Variants in ASTL observed in about 807,000 individuals in gnomAD.
The protein encoded by ASTL is astacin like metalloendopeptidase.
A neutral mutation model predicts 36.7 loss-of-function variants in ASTL; 27 were observed. That is an observed-to-expected ratio of 0.73 (90% CI 0.54 to 1.01). The LOEUF is 1.01. Ranked by LOEUF, ASTL falls within the 50% of genes least tolerant of loss-of-function variation. ASTL has a pLI of 0.00. For synonymous variants in ASTL, 222 were observed against 228.1 expected (o/e 0.97, Z 0.24); for missense variants, 524 against 572.8 (o/e 0.91, Z 0.87).
Position 96,129,953 on chromosome 2 carries a change from GC to G in ASTL, c.744del (p.Thr250ProfsTer18). On this transcript the variant is annotated frameshift_variant, in exon 8 of 9. Transcript: ENST00000342380. LOFTEE classifies it high-confidence loss of function. ...GGGGCCCAAAGTGGTGTGATGGTGG[GC>G]AGCCCACGCCGGCTGAAGGCGAGCC... ...YGRLAFSRRG[L>X]PTITPLWAPS... The G allele has an allele frequency of 6.2e-7, 1 of 1,604,370 alleles. No homozygotes were observed. Among genetic ancestry groups the G allele is most frequent in the Non-Finnish European group, 8.5e-7 (1 of 1,172,514 alleles).
intron 1 of ASTL, among the ~76,000 whole-genome samples, 164 bp downstream of exon 1, chr2:96,138,218 T>G (rs1047813961): frequency 6.6e-6 from 1 of 152,170 alleles, no homozygotes; most frequent in Non-Finnish European, 1.5e-5. Flanking sequence ...AGGCCTCCCC[T>G]TGGCCCCCCA....
intron 6 of ASTL, among the ~76,000 whole-genome samples, chr2:96,130,537 T>C (rs1682154194): frequency 6.6e-6 from 1 of 152,190 alleles, no homozygotes; most frequent in Non-Finnish European, 1.5e-5. Flanking sequence ...GACCCAGCTT[T>C]AAAAAGCTGC....
Position 96,122,923 on chromosome 2 carries a change from T to C in ASTL, c.*927A>G, listed in dbSNP as rs1466998985. Among the ~76,000 whole-genome samples, 1 of 152,196 alleles carries C rather than the reference T, an allele frequency of 6.6e-6. No individual in the cohort carries two copies. The highest frequency in any genetic ancestry group is 6.5e-5 in the Admixed American group (1 of 15,284). ...ACCCTCTGAAAGGCCACCAAAACAGTACCCTTGGGGACTGAGGGGCCTCTG... is the reference window on the plus strand; with the variant it reads ...ACCCTCTGAAAGGCCACCAAAACAGCACCCTTGGGGACTGAGGGGCCTCTG... On this transcript the variant is annotated 3_prime_UTR_variant, in exon 9 of 9. Coordinates refer to ENST00000342380, the MANE Select transcript of ASTL (RefSeq NM_001002036.4).
At chr2:96,135,310 T>C (rs372369362) in intron 3 of ASTL, 41 bp downstream of exon 3, 1 of 1,592,098 alleles carries the variant, frequency 6.3e-7, no homozygotes, top group Non-Finnish European at 8.6e-7. Context: ...TCGCCAACTG[T>C]GGGCTTATCC....
rs1003452359 is a variant in ASTL at position 96,132,942 on chromosome 2, G to A, written c.456-221C>T. Among the ~76,000 whole-genome samples, 1 of 152,204 alleles carries A rather than the reference G, an allele frequency of 6.6e-6. No homozygotes were observed. The highest frequency in any genetic ancestry group is 1.5e-5 in the Non-Finnish European group (1 of 68,044). On this transcript the variant is annotated intron_variant, in intron 5 of 8. Coordinates refer to ENST00000342380, the MANE Select transcript of ASTL (RefSeq NM_001002036.4). This position sits in a 1 kb window ranked among gnomAD's most constrained non-coding sequence, Gnocchi z 5.4. ...ACCCCCATCACCAGCCTGGGCTGCA[G>A]GGAGGCTGCAGAAACTGATATATGA... is the stretch of plus-strand genomic sequence containing the variant.
At chr2:96,133,610 G>A in intron 4 of ASTL, 68 bp from the exon 5 acceptor site, 2 of 1,169,988 alleles carry the variant, frequency 1.7e-6, no homozygotes, top group Non-Finnish European at 2.6e-6. Flanking sequence ...GAGGGTCTGG[G>A]AGCAGAGCTC....
chr2:96,124,203 C>T lies in ASTL; in HGVS notation c.943G>A (p.Ala315Thr). 1 of 1,524,218 alleles carries T rather than the reference C, an allele frequency of 6.6e-7. No homozygotes were observed. Among genetic ancestry groups the T allele is most frequent in the Non-Finnish European group, 8.8e-7 (1 of 1,138,122 alleles). 94.4% of individuals were successfully genotyped at this position (1,524,218 alleles called of 1,614,324 possible). A position where few individuals can be genotyped will look rare whatever the true frequency, so the allele number is the denominator to read the frequency against. ...GGGCTCCTGGATTCCGCCGACAGTG[C>T]CTCCAAAAGCCGCTGCAGAGATAGG... ...ASLSLQRLLEALSAESRSPDP... is the reference protein window; with the variant it reads ...ASLSLQRLLETLSAESRSPDP... The change falls in exon 9 of 9, where the codon GCA (alanine) becomes ACA (threonine). Residue 315 changes from alanine (A) to threonine (T), a missense_variant. Coordinates refer to ENST00000342380, the MANE Select transcript of ASTL (RefSeq NM_001002036.4). The surrounding 1 kb of genome is among the most constrained non-coding windows in gnomAD (Gnocchi z 4.1).
chr2:96,129,452 C>A (rs749466104), intron 8 of ASTL, among the ~76,000 whole-genome samples: 7 of 152,162 alleles, frequency 4.6e-5, no homozygotes, highest in African/African-American at 9.7e-5. Context: ...AATCCTCGGA[C>A]CTTTAGTTTC....
At position 96,135,361 on chromosome 2, in the gene ASTL, A is replaced by G. The variant is rs1682273384; in HGVS notation, c.233T>C (p.Ile78Thr). ...PESSFLIEGD[I>T]IRPSPFRLLS... is the part of the protein sequence containing the mutation. ...AGTGTGTGCACTCACCGGCCGGATG[A>G]TGTCCCCCTCGATGAGGAAGCTGCT... is the stretch of plus-strand genomic sequence containing the variant. The change falls in exon 3 of 9, where the codon ATC becomes ACC. Residue 78 changes from isoleucine to threonine, a missense_variant. Physicochemically the swap from Ile to Thr is moderately conservative, Grantham distance 89. Coordinates refer to ENST00000342380, the MANE Select transcript of ASTL (RefSeq NM_001002036.4). 1 of 1,614,026 alleles carries G rather than the reference A, an allele frequency of 6.2e-7. No homozygotes were observed. Among genetic ancestry groups the G allele is most frequent in the South Asian group, 1.1e-5 (1 of 91,086 alleles).
chr2:96,128,194 T>G (rs1682100733), intron 8 of ASTL, among the ~76,000 whole-genome samples: 1 of 150,188 alleles, frequency 6.7e-6, no homozygotes. Context: ...ATCGTGCCAT[T>G]GCACTCCAGC....
rs1483300349 is a variant in ASTL at position 96,124,341 on chromosome 2, C to T, written c.875-70G>A. 11 of 1,383,866 alleles carry T rather than the reference C, an allele frequency of 7.9e-6. No individual in the cohort carries two copies. In the East Asian group the frequency reaches 2.9e-4, roughly 36 times the overall value. The allele number at this position is 1,383,866 out of a possible 1,614,324, so 85.7% of individuals were successfully genotyped here. A position where few individuals can be genotyped will look rare whatever the true frequency, so the allele number is the denominator to read the frequency against. On this transcript the variant is annotated intron_variant, in intron 8 of 8. Coordinates refer to ENST00000342380, the MANE Select transcript of ASTL (RefSeq NM_001002036.4). The surrounding 1 kb of genome is among the most constrained non-coding windows in gnomAD (Gnocchi z 4.1). Reference sequence around the variant, plus strand: ...GACATGTGGCCCAGCTGTGCGGACCCAGAGCTGGCTCAGCTCACAGGAGTG... The same window carrying T: ...GACATGTGGCCCAGCTGTGCGGACCTAGAGCTGGCTCAGCTCACAGGAGTG...
At position 96,132,058 on chromosome 2, in the gene ASTL, C is replaced by A. The variant is rs1438662653; in HGVS notation, c.637+482G>T. Among the ~76,000 whole-genome samples, 1 of 152,224 alleles carries A rather than the reference C, an allele frequency of 6.6e-6. No homozygotes were observed. Among genetic ancestry groups the A allele is most frequent in the East Asian group, 1.9e-4 (1 of 5,192 alleles). On this transcript the variant is annotated intron_variant, in intron 6 of 8. Transcript: ENST00000342380. The surrounding 1 kb of genome is among the most constrained non-coding windows in gnomAD (Gnocchi z 5.4). Reference sequence around the variant, plus strand: ...CTCACTGGCACCACTGGCACATGTCCCAGCCCCACAGTGCTGCCCTCAGCC... The same window carrying A: ...CTCACTGGCACCACTGGCACATGTCACAGCCCCACAGTGCTGCCCTCAGCC...
At position 96,132,552 on chromosome 2, in the gene ASTL, C is replaced by G. The variant is rs748161965; in HGVS notation, c.625G>C (p.Glu209Gln). Residue 209 changes from glutamate (E) to glutamine (Q), a missense_variant, in exon 6 of 9, where the codon GAG becomes CAG. Transcript: ENST00000342380. The surrounding 1 kb of genome is among the most constrained non-coding windows in gnomAD (Gnocchi z 5.4). ...TGGCCTGGCTCACCTGGCAGGATCTCGTTCCAGTTGACACGGATATAGCGG... is the reference window on the plus strand; with the variant it reads ...TGGCCTGGCTCACCTGGCAGGATCTGGTTCCAGTTGACACGGATATAGCGG... ...RDRYIRVNWNEILPGFEINFI... is the reference protein window; with the variant it reads ...RDRYIRVNWNQILPGFEINFI... 1.0e-5 allele frequency: 16 copies of G among 1,598,510 alleles called. No individual in the cohort carries two copies. Among genetic ancestry groups the G allele is most frequent in the Non-Finnish European group, 1.4e-5 (16 of 1,168,020 alleles).
chr2:96,123,746 T>A lies in ASTL; in HGVS notation c.*104A>T, dbSNP rs1313613012. On this transcript the variant is annotated 3_prime_UTR_variant, in exon 9 of 9. Coordinates refer to ENST00000342380, the MANE Select transcript of ASTL (RefSeq NM_001002036.4). ...GGCCCTCTGAGATGGGGTGGTAGGT[T>A]GGGGCTGGAAGACAGTGGTGTGGCC... 1.1e-6 allele frequency: 1 copy of A among 897,536 alleles called. No homozygotes were observed. The highest frequency in any genetic ancestry group is 1.7e-5 in the African/African-American group (1 of 60,202). The allele number at this position is 897,536 out of a possible 1,614,324, so 55.6% of individuals were successfully genotyped here.
Position 96,124,152 on chromosome 2 carries a change from C to T in ASTL, c.994G>A (p.Gly332Ser). 1.3e-6 allele frequency: 2 copies of T among 1,561,560 alleles called. No individual in the cohort carries two copies. Among genetic ancestry groups the T allele is most frequent in the Non-Finnish European group, 1.7e-6 (2 of 1,153,980 alleles). ...CCAGGCCCTGCAGGAACGGGCTGGC[C>T]TCCCGCACTGGAACCACTGGGGTCG... ...SPDPSGSSAG[G>S]QPVPAGPGES... The change falls in exon 9 of 9, where the codon GGC (glycine) becomes AGC (serine). Residue 332 changes from glycine to serine, a missense_variant. Coordinates refer to ENST00000342380, the MANE Select transcript of ASTL (RefSeq NM_001002036.4). This position sits in a 1 kb window ranked among gnomAD's most constrained non-coding sequence, Gnocchi z 4.1.
At position 96,137,575 on chromosome 2, in the gene ASTL, C is replaced by T; in HGVS notation, c.181G>A (p.Gly61Arg). 2 of 1,613,454 alleles carry T rather than the reference C, an allele frequency of 1.2e-6. No individual in the cohort carries two copies. Among genetic ancestry groups the T allele is most frequent in the East Asian group, 2.2e-5 (1 of 44,858 alleles). Residue 61 changes from glycine (G) to arginine (R), a missense_variant and splice_region_variant, in exon 2 of 9, where the codon GGG becomes AGG. Physicochemically the swap from Gly to Arg is moderately radical, Grantham distance 125. Transcript: ENST00000342380. ...GDKDIPAINQGLILEETPESS... is the reference protein window; with the variant it reads ...GDKDIPAINQRLILEETPESS... ...CCGTGAGAAGATGTAGTGCCCTCAC[C>T]TTGGTTAATTGCAGGAATGTCCTTG...
chr2:96,123,786 G>A lies in ASTL; in HGVS notation c.*64C>T. On this transcript the variant is annotated 3_prime_UTR_variant, in exon 9 of 9. Coordinates refer to ENST00000342380, the MANE Select transcript of ASTL (RefSeq NM_001002036.4). ...GTGGTGTGGCCCAAAGGAGCCAAGA[G>A]GTAGACGACCCAGCTCCACTGGGCA... 7.0e-7 allele frequency: 1 copy of A among 1,422,584 alleles called. No individual in the cohort carries two copies. The highest frequency in any genetic ancestry group is 9.7e-7 in the Non-Finnish European group (1 of 1,028,648). 88.1% of individuals were successfully genotyped at this position (1,422,584 alleles called of 1,614,324 possible). A position where few individuals can be genotyped will look rare whatever the true frequency, so the allele number is the denominator to read the frequency against.
intron 8 of ASTL, among the ~76,000 whole-genome samples, chr2:96,129,338 T>C (rs987929812): frequency 6.6e-6 from 1 of 152,246 alleles, no homozygotes; most frequent in Non-Finnish European, 1.5e-5. Context: ...ATATTAACTG[T>C]ATTTACCTTT....
At chr2:96,126,115 C>G (rs1558713541) in intron 8 of ASTL, among the ~76,000 whole-genome samples, 1 of 152,086 alleles carries the variant, frequency 6.6e-6, no homozygotes, top group African/African-American at 2.4e-5. Flanking sequence ...TCCATGACCT[C>G]GGGTTAGGCA....
Sources: allele counts gnomAD v4.1 joint callset (sites outside exome capture counted in the v4.1 genomes callset), GRCh38; gene constraint gnomAD v4.1.1; non-coding constraint Gnocchi (gnomAD v3.1); transcripts MANE v1.5; gene names NCBI Gene and HGNC (gene_info 2026-07-23, HGNC 2026-07-21).